The following SULF2 variants were observed in gnomAD, a reference collection of about 807,000 sequenced individuals.
SULF2 encodes the protein sulfatase 2.
In SULF2, 52 loss-of-function variants were observed where a neutral mutation model predicts 107.7. The observed-to-expected ratio is 0.48, with a 90% CI of 0.39 to 0.61. SULF2 has a LOEUF of 0.61. Ranked by LOEUF, SULF2 falls within the 20% of genes least tolerant of loss-of-function variation. SULF2 has a pLI of 0.00. For missense variants in SULF2, 993 were observed against 1,177.3 expected (o/e 0.84, Z 2.29); for synonymous variants, 460 against 464.3 (o/e 0.99, Z 0.12).
At chr20:47,681,467 A>G (rs905978968) in intron 7 of SULF2, among the ~76,000 whole-genome samples, 18 of 152,158 alleles carry the variant, frequency 1.2e-4, no homozygotes, top group African/African-American at 4.3e-4. Flanking sequence ...CAGTGTTTGT[A>G]GAGCCCTCAG....
chr20:47,741,252 A>G lies in SULF2; in HGVS notation c.176-4310T>C, dbSNP rs1277910949. On this transcript the variant is annotated intron_variant, in intron 2 of 20. Transcript: ENST00000688720. The stretch of plus-strand genomic sequence containing the variant: ...CCAATCCCCTCCCCTCCCTAACCCC[A>G]TCCCCCTCTCCGCCCACTCTCTGCA... Among the ~76,000 whole-genome samples the G allele has an allele frequency of 3.8e-5, 4 of 104,596 alleles. No individual in the cohort carries two copies. In the East Asian group the frequency reaches 1.2e-3, roughly 32 times the overall value. 68.6% of individuals were successfully genotyped at this position (104,596 alleles called of 152,430 possible). A position where few individuals can be genotyped will look rare whatever the true frequency, so the allele number is the denominator to read the frequency against.
chr20:47,688,566 AG>A (rs2088091211), intron 5 of SULF2, among the ~76,000 whole-genome samples: 3 of 152,172 alleles, frequency 2.0e-5, no homozygotes, highest in Non-Finnish European at 4.4e-5. Context: ...GACAGGGCTG[AG>A]TGGCCTCCAC....
chr20:47,713,505 C>T (rs944705224), intron 3 of SULF2, among the ~76,000 whole-genome samples: 2 of 152,150 alleles, frequency 1.3e-5, no homozygotes, highest in Non-Finnish European at 2.9e-5. Context: ...ACTCTGACTC[C>T]TTGGGCAAGC....
At chr20:47,773,771 G>A (rs891801155) in intron 1 of SULF2, among the ~76,000 whole-genome samples, 1 of 152,246 alleles carries the variant, frequency 6.6e-6, no homozygotes, top group African/African-American at 2.4e-5. Flanking sequence ...GGTTCTCAGT[G>A]TAGACTGCCA....
At chr20:47,766,259 G>A (rs765697989) in intron 1 of SULF2, among the ~76,000 whole-genome samples, 12 of 152,158 alleles carry the variant, frequency 7.9e-5, no homozygotes, top group Non-Finnish European at 1.3e-4. Context: ...CTTTGGGGCC[G>A]TCAAAGAAAG....
At chr20:47,663,998 C>T (rs751428442) in intron 15 of SULF2, 132 bp downstream of exon 15, 14 of 969,926 alleles carry the variant, frequency 1.4e-5, no homozygotes, top group African/African-American at 4.9e-5. Flanking sequence ...AAGGCCTCTT[C>T]GAGGGCTACC....
At chr20:47,764,007 C>A (rs2090473673) in intron 1 of SULF2, among the ~76,000 whole-genome samples, 1 of 152,238 alleles carries the variant, frequency 6.6e-6, no homozygotes, top group African/African-American at 2.4e-5. Context: ...CCTTGCACAC[C>A]TGGTTCCAGC....
intron 3 of SULF2, among the ~76,000 whole-genome samples, chr20:47,717,711 C>T (rs948559508): frequency 5.9e-5 from 9 of 152,164 alleles, no homozygotes; most frequent in Non-Finnish European, 8.8e-5. Flanking sequence ...ATTCCCAGGA[C>T]CCGGGCACTT....
At chr20:47,698,086 A>C (rs2088444104) in intron 4 of SULF2, among the ~76,000 whole-genome samples, 2 of 152,360 alleles carry the variant, frequency 1.3e-5, no homozygotes, top group South Asian at 4.1e-4. Context: ...GGCTTCTGCC[A>C]CTTGGGCCTG....
chr20:47,697,296 T>C (rs2088411803), intron 4 of SULF2, among the ~76,000 whole-genome samples: 1 of 152,180 alleles, frequency 6.6e-6, no homozygotes, highest in African/African-American at 2.4e-5. Context: ...TGGACCCCTT[T>C]GGTGGCATGT....
At chr20:47,677,297 C>T (rs1310247256) in intron 8 of SULF2, among the ~76,000 whole-genome samples, 163 bp from the exon 9 acceptor site, 1 of 152,162 alleles carries the variant, frequency 6.6e-6, no homozygotes, top group African/African-American at 2.4e-5. Flanking sequence ...GCATTGCCCA[C>T]CCTCCTCTGA....
intron 1 of SULF2, among the ~76,000 whole-genome samples, chr20:47,783,348 G>C (rs754054786): frequency 3.3e-5 from 5 of 152,214 alleles, no homozygotes; most frequent in Non-Finnish European, 7.3e-5. Flanking sequence ...ATTCTGCCTG[G>C]TTAACCCAGC....
chr20:47,778,287 C>G (rs1465642383), intron 1 of SULF2, among the ~76,000 whole-genome samples: 3 of 152,244 alleles, frequency 2.0e-5, no homozygotes, highest in African/African-American at 7.2e-5. Context: ...ATCTTTGGTA[C>G]TATTTGTGGT....
intron 7 of SULF2, among the ~76,000 whole-genome samples, chr20:47,681,688 G>A (rs905922827): frequency 2.0e-5 from 3 of 152,172 alleles, no homozygotes; most frequent in Non-Finnish European, 2.9e-5. Flanking sequence ...ATGCTGAAAC[G>A]AATTATTAAT....
intron 2 of SULF2, among the ~76,000 whole-genome samples, chr20:47,753,398 T>C (rs772847713): frequency 6.6e-6 from 1 of 152,218 alleles, no homozygotes; most frequent in Admixed American, 6.5e-5. Context: ...TCTATCCTGC[T>C]GATGAGGCCA....
At chr20:47,730,234 C>T (rs1378144593) in intron 3 of SULF2, among the ~76,000 whole-genome samples, 1 of 152,180 alleles carries the variant, frequency 6.6e-6, no homozygotes, top group East Asian at 1.9e-4. Context: ...GCATGTACCC[C>T]CTGCTCCCCT....
chr20:47,720,539 TATC>T (rs2089261182), intron 3 of SULF2, among the ~76,000 whole-genome samples: 1 of 144,380 alleles, frequency 6.9e-6, no homozygotes, highest in South Asian at 2.2e-4. Context: ...ATTACAGGCC[TATC>T]ATAATCTTTT....
chr20:47,716,377 C>T lies in SULF2; in HGVS notation c.416-13707G>A, dbSNP rs538494276. On this transcript the variant is annotated intron_variant, in intron 3 of 20. Transcript: ENST00000688720. ...AAAATTAGCCGGGTGTGGTGGCGGGCGCCTGTAATCCCAGCTACTTGGGAG... is the reference window on the plus strand; with the variant it reads ...AAAATTAGCCGGGTGTGGTGGCGGGTGCCTGTAATCCCAGCTACTTGGGAG... Among the ~76,000 whole-genome samples, 9 of 152,152 alleles carry T rather than the reference C, an allele frequency of 5.9e-5. No individual in the cohort carries two copies. The South Asian group carries it at 1.2e-3, about 21-fold the overall frequency.
At chr20:47,660,092 C>A (rs1350953879) in intron 18 of SULF2, among the ~76,000 whole-genome samples, 1 of 152,160 alleles carries the variant, frequency 6.6e-6, no homozygotes, top group African/African-American at 2.4e-5. Context: ...AGGGAGTTCC[C>A]CTTTGGGCTC....
Sources: allele counts gnomAD v4.1 joint callset (sites outside exome capture counted in the v4.1 genomes callset), GRCh38; gene constraint gnomAD v4.1.1; transcripts MANE v1.5; gene names NCBI Gene and HGNC (gene_info 2026-07-23, HGNC 2026-07-21).